The following ASAP1 variants were observed in gnomAD, a reference collection of about 807,000 sequenced individuals.
ASAP1 encodes ArfGAP with SH3 domain, ankyrin repeat and PH domain 1, also known as arf-GAP with SH3 domain, ANK repeat and PH domain-containing protein 1.
ASAP1 carries 43 observed loss-of-function variants against 145.2 expected under a neutral mutation model. That is an observed-to-expected ratio of 0.30 (90% CI 0.23 to 0.38). The LOEUF (loss-of-function observed/expected upper bound fraction) is 0.38, where lower values mean the gene tolerates loss of function less well. Among genes scored for constraint, ASAP1 ranks in the 10% least tolerant of loss-of-function variants. The pLI, the probability that ASAP1 is intolerant of heterozygous loss-of-function variation, is 1.00. For missense variants in ASAP1, 1,018 were observed against 1,355.3 expected (o/e 0.75, Z 3.91); for synonymous variants, 546 against 515.5 (o/e 1.06, Z -0.80).
At chr8:130,249,892 G>A (rs1819086550) in intron 3 of ASAP1, among the ~76,000 whole-genome samples, 1 of 151,970 alleles carries the variant, frequency 6.6e-6, no homozygotes, top group South Asian at 2.1e-4. Flanking sequence ...ACCTGCAAAT[G>A]TGCAAGACTA....
chr8:130,123,314 T>C (rs2097569553), intron 18 of ASAP1, among the ~76,000 whole-genome samples: 1 of 152,236 alleles, frequency 6.6e-6, no homozygotes, highest in Admixed American at 6.5e-5. Flanking sequence ...AGAATGTCAG[T>C]TTCCCCACAG....
intron 9 of ASAP1, among the ~76,000 whole-genome samples, chr8:130,170,384 A>T (rs1464787335): frequency 2.0e-5 from 3 of 152,048 alleles, no homozygotes; most frequent in Non-Finnish European, 4.4e-5. Flanking sequence ...TGAACTCCTG[A>T]CCTCAAGTGA....
At chr8:130,317,861 A>C (rs952300799) in intron 3 of ASAP1, among the ~76,000 whole-genome samples, 5 of 152,248 alleles carry the variant, frequency 3.3e-5, no homozygotes, top group Non-Finnish European at 7.3e-5. Flanking sequence ...CTGATACAGC[A>C]GCAAGAAGGA....
chr8:130,291,681 T>C (rs1338948165), intron 3 of ASAP1, among the ~76,000 whole-genome samples: 1 of 152,136 alleles, frequency 6.6e-6, no homozygotes, highest in Admixed American at 6.5e-5. Flanking sequence ...ATAAATATGT[T>C]TCATACATAC....
intron 27 of ASAP1, among the ~76,000 whole-genome samples, chr8:130,073,828 C>T (rs778543553): frequency 1.3e-5 from 2 of 152,192 alleles, no homozygotes; most frequent in Non-Finnish European, 2.9e-5. Flanking sequence ...TGATAGAACA[C>T]ACTACCACCT....
intron 1 of ASAP1, among the ~76,000 whole-genome samples, chr8:130,421,177 C>T (rs939506510): frequency 3.9e-5 from 6 of 152,268 alleles, no homozygotes; most frequent in Non-Finnish European, 7.4e-5. Context: ...GTTCTGCATA[C>T]GCTGGGTGCA....
At chr8:130,220,021 T>G (rs1201432123) in intron 4 of ASAP1, among the ~76,000 whole-genome samples, 1 of 152,212 alleles carries the variant, frequency 6.6e-6, no homozygotes, top group Non-Finnish European at 1.5e-5. Context: ...ACTCCTGGGC[T>G]CATGTGTTCC....
At chr8:130,387,338 C>A (rs1828065257) in intron 2 of ASAP1, among the ~76,000 whole-genome samples, 1 of 152,084 alleles carries the variant, frequency 6.6e-6, no homozygotes, top group African/African-American at 2.4e-5. Context: ...GAGTTTGAGA[C>A]CAGGCTGGGT....
intron 2 of ASAP1, among the ~76,000 whole-genome samples, chr8:130,373,170 A>G (rs2138309283): frequency 6.6e-6 from 1 of 150,692 alleles, no homozygotes; most frequent in Non-Finnish European, 1.5e-5. Flanking sequence ...CTTTTCTGGA[A>G]AACAAGAGCC....
At chr8:130,128,352 T>G (rs1320694521) in intron 15 of ASAP1, among the ~76,000 whole-genome samples, 2 of 151,380 alleles carry the variant, frequency 1.3e-5, no homozygotes, top group African/African-American at 4.9e-5. Flanking sequence ...AAGTAAAAAA[T>G]CAATATAACT....
At chr8:130,115,589 G>C (rs955485110) in intron 23 of ASAP1, 39 bp downstream of exon 23, 1 of 1,477,524 alleles carries the variant, frequency 6.8e-7, no homozygotes, top group Non-Finnish European at 9.5e-7. Flanking sequence ...GAAAAGTTGG[G>C]GTAGTTGTTG....
At chr8:130,145,785 A>C (rs990345685) in intron 13 of ASAP1, among the ~76,000 whole-genome samples, 1 of 152,148 alleles carries the variant, frequency 6.6e-6, no homozygotes, top group African/African-American at 2.4e-5. Flanking sequence ...CAAAAGGTTA[A>C]GTTAACTCAG....
Position 130,053,569 on chromosome 8 carries a change from A to G in ASAP1, c.*1162T>C, listed in dbSNP as rs1237472641. 4 of 152,260 alleles carry G rather than the reference A, an allele frequency of 2.6e-5. No individual in the cohort carries two copies. The highest frequency in any genetic ancestry group is 9.6e-5 in the African/African-American group (4 of 41,480). 9.4% of individuals were successfully genotyped at this position (152,260 alleles called of 1,614,324 possible). ...AATTATCTATAATTGGGGTTTAACA[A>G]AGAGCATGGGAAAAGAAACACTTGG... On this transcript the variant is annotated 3_prime_UTR_variant, in exon 30 of 30. Coordinates refer to ENST00000518721, the MANE Select transcript of ASAP1 (RefSeq NM_018482.4).
chr8:130,409,866 T>C (rs1341457783), intron 1 of ASAP1, among the ~76,000 whole-genome samples: 2 of 152,178 alleles, frequency 1.3e-5, no homozygotes, highest in Non-Finnish European at 2.9e-5. Context: ...CTACTCTGAG[T>C]ATACTGCAGG....
chr8:130,355,781 A>G (rs956500769), intron 3 of ASAP1, among the ~76,000 whole-genome samples: 3 of 152,232 alleles, frequency 2.0e-5, no homozygotes, highest in Non-Finnish European at 4.4e-5. Flanking sequence ...AAAAAAACCT[A>G]AAGCATACTT....
At chr8:130,259,720 G>C (rs1205532963) in intron 3 of ASAP1, among the ~76,000 whole-genome samples, 2 of 152,170 alleles carry the variant, frequency 1.3e-5, no homozygotes, top group African/African-American at 4.8e-5. Flanking sequence ...GCTTATAATG[G>C]ACAGGAAGGG....
intron 9 of ASAP1, among the ~76,000 whole-genome samples, chr8:130,171,435 G>C (rs1300488162): frequency 6.6e-6 from 1 of 151,384 alleles, no homozygotes; most frequent in Non-Finnish European, 1.5e-5. Flanking sequence ...GGCGGCAGGA[G>C]AGAGAATAAT....
intron 5 of ASAP1, among the ~76,000 whole-genome samples, chr8:130,210,565 C>T (rs1487088075): frequency 2.0e-5 from 3 of 152,146 alleles, no homozygotes; most frequent in Non-Finnish European, 4.4e-5. Context: ...ACAAAAACAA[C>T]CAAGAAAGTA....
At chr8:130,295,940 G>A (rs947708056) in intron 3 of ASAP1, among the ~76,000 whole-genome samples, 1 of 152,152 alleles carries the variant, frequency 6.6e-6, no homozygotes, top group African/African-American at 2.4e-5. Context: ...CATCATCTTT[G>A]CCTCTCAAAG....
Sources: allele counts gnomAD v4.1 joint callset (sites outside exome capture counted in the v4.1 genomes callset), GRCh38; gene constraint gnomAD v4.1.1; transcripts MANE v1.5; gene names NCBI Gene and HGNC (gene_info 2026-07-23, HGNC 2026-07-21).